The following NLRP3 variants were observed in gnomAD, a reference collection of about 807,000 sequenced individuals.
NLRP3 encodes NACHT, LRR and PYD domains-containing protein 3.
Under a neutral mutation model 91.3 loss-of-function variants are expected in NLRP3, and 48 were observed. That is an observed-to-expected ratio of 0.53 (90% confidence interval 0.42 to 0.67). The LOEUF (loss-of-function observed/expected upper bound fraction) is 0.67. NLRP3 is among the 30% of genes least tolerant of loss of function. The pLI is 0.00. For missense variants in NLRP3, 982 were observed against 1,276.9 expected, an observed-to-expected ratio of 0.77 and a Z score of 3.52; for synonymous variants, 561 against 507.9, an observed-to-expected ratio of 1.10 and a Z score of -1.41.
At chr1:247,433,558 C>A (rs74154640) in intron 5 of NLRP3, among the ~76,000 whole-genome samples, 22,197 of 151,976 alleles carry the variant, frequency 0.15, 1,597 homozygotes, top group Middle Eastern at 0.18. Flanking sequence ...GGGGGCTGAC[C>A]TCCCAATGTG....
At chr1:247,445,359 C>A (rs1664520754) in intron 9 of NLRP3, among the ~76,000 whole-genome samples, 1 of 152,106 alleles carries the variant, frequency 6.6e-6, no homozygotes, top group Admixed American at 6.5e-5. Context: ...TGCCACCACA[C>A]CCGGCTAATT....
chr1:247,444,129 C>G lies in NLRP3; in HGVS notation c.2821C>G (p.Leu941Val). ...CEGLLHPDCK[L>V]QVLELDNCNL... ...GGGACTCTTGCACCCCGACTGCAAG[C>G]TTCAGGTGTTGGAGTAAGTCCTTTG... Residue 941 changes from leucine (L) to valine (V), a missense_variant, in exon 8 of 10, where the codon CTT becomes GTT. Transcript: ENST00000336119. 6.2e-7 allele frequency: 1 copy of G among 1,614,190 alleles called. No homozygotes were observed. Among genetic ancestry groups the G allele is most frequent in the Non-Finnish European group, 8.5e-7 (1 of 1,180,026 alleles).
intron 9 of NLRP3, 148 bp from the exon 10 acceptor site, chr1:247,448,257 T>G: frequency 4.9e-6 from 3 of 608,266 alleles, no homozygotes; most frequent in South Asian, 1.7e-5. Context: ...ACTCTGGGAG[T>G]TGTGGTCCCT....
At chr1:247,439,811 C>T (rs921666021) in intron 7 of NLRP3, among the ~76,000 whole-genome samples, 1 of 117,198 alleles carries the variant, frequency 8.5e-6, no homozygotes, top group Non-Finnish European at 1.9e-5. Context: ...CATAATATCC[C>T]ATAGTGTGCT....
chr1:247,433,299 G>T (rs964695869), intron 5 of NLRP3, among the ~76,000 whole-genome samples: 4 of 152,198 alleles, frequency 2.6e-5, no homozygotes, highest in Non-Finnish European at 4.4e-5. Flanking sequence ...CAAACACAAT[G>T]GGGTGACAAT....
Position 247,424,961 on chromosome 1 carries a change from C to T in NLRP3, c.1512C>T (p.Asn504=), listed in dbSNP as rs1395963170. ...ATGTGTCTGCTTTCCTGAGGATGAA[C>T]CTGTTCCAAAAGGAAGTGGACTGCG... ...KADVSAFLRM[N]LFQKEVDCEK... Residue 504 remains asparagine (N), a synonymous_variant, in exon 4 of 10, where the codon AAC becomes AAT. Transcript: ENST00000336119. This position sits in a 1 kb window ranked among gnomAD's most constrained non-coding sequence, Gnocchi z 8.1. 6.2e-7 allele frequency: 1 copy of T among 1,614,106 alleles called. No individual in the cohort carries two copies. Among genetic ancestry groups the T allele is most frequent in the Non-Finnish European group, 8.5e-7 (1 of 1,180,022 alleles).
rs754957228 is a variant in NLRP3 at position 247,419,043 on chromosome 1, T to C, written c.243T>C (p.Leu81=). The C allele has an allele frequency of 6.2e-7, 1 of 1,612,902 alleles. No individual in the cohort carries two copies. The highest frequency in any genetic ancestry group is 8.5e-7 in the Non-Finnish European group (1 of 1,179,984). ...TCGCTGCGATCAACAGGAGAGACCTTTATGAGAAAGCAAAAAGAGATGAGC... is the reference window on the plus strand; with the variant it reads ...TCGCTGCGATCAACAGGAGAGACCTCTATGAGAAAGCAAAAAGAGATGAGC... ...WIFAAINRRD[L]YEKAKRDEPK... The change falls in exon 2 of 10, where the codon CTT becomes CTC. Residue 81 remains leucine (L), a synonymous_variant. Coordinates refer to ENST00000336119, the MANE Select transcript of NLRP3 (RefSeq NM_001243133.2).
chr1:247,419,682 T>C (rs902797178), intron 2 of NLRP3, among the ~76,000 whole-genome samples: 1 of 152,208 alleles, frequency 6.6e-6, no homozygotes, highest in African/African-American at 2.4e-5. Context: ...CATTTTTTCC[T>C]TTATGAGTAG....
At chr1:247,435,688 A>G (rs980026176) in intron 6 of NLRP3, among the ~76,000 whole-genome samples, 1 of 152,240 alleles carries the variant, frequency 6.6e-6, no homozygotes, top group Non-Finnish European at 1.5e-5. Flanking sequence ...TTAATTGTGC[A>G]CTTAAAAATG....
intron 5 of NLRP3, among the ~76,000 whole-genome samples, chr1:247,431,138 C>T (rs147219646): frequency 0.017 from 2,607 of 152,072 alleles, 44 homozygotes; most frequent in Non-Finnish European, 0.025. Flanking sequence ...GAGCCGAGAT[C>T]GTGCCATTGC....
At chr1:247,445,452 G>A (rs558478496) in intron 9 of NLRP3, among the ~76,000 whole-genome samples, 16 of 152,204 alleles carry the variant, frequency 1.1e-4, no homozygotes, top group South Asian at 2.1e-4. Flanking sequence ...TGCCTGCCTC[G>A]GCCTCCCCAA....
intron 9 of NLRP3, among the ~76,000 whole-genome samples, chr1:247,447,038 C>T (rs1477250845): frequency 6.6e-6 from 1 of 152,190 alleles, no homozygotes; most frequent in Non-Finnish European, 1.5e-5. Flanking sequence ...ACATTCTGGA[C>T]CCAGGCTGAG....
Position 247,423,157 on chromosome 1 carries a change from T to C in NLRP3, c.278-73T>C, listed in dbSNP as rs1662588018. The C allele has an allele frequency of 2.1e-5, 34 of 1,603,736 alleles. No homozygotes were observed. In the South Asian group the frequency reaches 3.8e-4, roughly 18 times the overall value. ...TTGGGGTCTCCTCTCTCATGCCAAA[T>C]ATTAGGCCAGGTTTCAATTGCATCC... On this transcript the variant is annotated intron_variant, in intron 2 of 9. Transcript: ENST00000336119.
At position 247,424,154 on chromosome 1, in the gene NLRP3, G is replaced by T; in HGVS notation, c.705G>T (p.Arg235Ser). 6.2e-7 allele frequency: 1 copy of T among 1,614,076 alleles called. No homozygotes were observed. The highest frequency in any genetic ancestry group is 8.5e-7 in the Non-Finnish European group (1 of 1,180,030). Residue 235 changes from arginine (R) to serine (S), a missense_variant, in exon 4 of 10, where the codon AGG becomes AGT. This residue lies in a region of NLRP3 where 548 missense variants were observed against 713.7 expected (regional missense o/e 0.77). Transcript: ENST00000336119. This position sits in a 1 kb window ranked among gnomAD's most constrained non-coding sequence, Gnocchi z 8.1. ...GGATTGGGAAAACAATCCTGGCCAG[G>T]AAGATGATGTTGGACTGGGCGTCGG... is the stretch of plus-strand genomic sequence containing the variant. ...AAGIGKTILA[R>S]KMMLDWASGT...
chr1:247,443,052 A>C (rs747611089), intron 7 of NLRP3, among the ~76,000 whole-genome samples: 13 of 152,104 alleles, frequency 8.5e-5, no homozygotes, highest in Non-Finnish European at 1.5e-4. Flanking sequence ...CAGCCTCCCA[A>C]GTAGCTGGGA....
At chr1:247,441,559 G>A (rs1174273107) in intron 7 of NLRP3, among the ~76,000 whole-genome samples, 20 of 152,134 alleles carry the variant, frequency 1.3e-4, no homozygotes, top group Admixed American at 1.2e-3. Context: ...TTGTGACATA[G>A]GCAGGTAGTT....
intron 5 of NLRP3, 128 bp downstream of exon 5, chr1:247,429,883 T>C (rs1266237388): frequency 2.7e-5 from 34 of 1,273,544 alleles, no homozygotes; most frequent in Non-Finnish European, 3.4e-5. Context: ...TTTCTTTTTT[T>C]CTTTTTTTGA....
At position 247,424,067 on chromosome 1, in the gene NLRP3, G is replaced by T. The variant is rs201463849; in HGVS notation, c.618G>T (p.Leu206=). Residue 206 remains leucine, a synonymous_variant, in exon 4 of 10, where the codon CTG becomes CTT. Coordinates refer to ENST00000336119, the MANE Select transcript of NLRP3 (RefSeq NM_001243133.2). The surrounding 1 kb of genome is among the most constrained non-coding windows in gnomAD (Gnocchi z 8.1). Reference sequence around the variant, plus strand: ...TGAGTCCCATTAAGATGGAGTTGCTGTTTGACCCCGATGATGAGCATTCTG... The same window carrying T: ...TGAGTCCCATTAAGATGGAGTTGCTTTTTGACCCCGATGATGAGCATTCTG... ...SPVSPIKMEL[L]FDPDDEHSEP... is the part of the protein sequence containing the mutation. The T allele has an allele frequency of 9.3e-6, 15 of 1,614,094 alleles. 1 individual carries two copies. In the Admixed American group the frequency reaches 2.5e-4, roughly 27 times the overall value.
At chr1:247,421,801 T>A (rs1401275230) in intron 2 of NLRP3, among the ~76,000 whole-genome samples, 2 of 152,198 alleles carry the variant, frequency 1.3e-5, no homozygotes, top group Non-Finnish European at 2.9e-5. Flanking sequence ...GTTAGAAGTT[T>A]GTTTGTTTGT....
Sources: gnomAD v4.1 joint callset for allele counts (sites outside exome capture counted in the v4.1 genomes callset) on GRCh38, gnomAD v4.1.1 for gene constraint, gnomAD v4.1.1 regional missense constraint, Gnocchi (gnomAD v3.1) non-coding constraint, MANE v1.5 for transcripts, NCBI Gene and HGNC (gene_info 2026-07-23, HGNC 2026-07-21) for gene names.